Variants in PLEKHA7 observed in about 807,000 individuals in gnomAD.
The protein encoded by PLEKHA7 is pleckstrin homology domain-containing family A member 7.
In PLEKHA7, 104 loss-of-function variants were observed where a neutral mutation model predicts 170.0. The ratio of observed to expected loss-of-function variants is 0.61; its 90% CI spans 0.52 to 0.72. PLEKHA7 has a LOEUF of 0.72. Ranked by LOEUF, PLEKHA7 falls within the 30% of genes least tolerant of loss-of-function variation. The pLI, the probability that PLEKHA7 is intolerant of heterozygous loss-of-function variation, is 0.00. For synonymous variants in PLEKHA7, 648 were observed against 660.8 expected (o/e 0.98, Z 0.30); for missense variants, 1,615 against 1,671.7 (o/e 0.97, Z 0.59).
intron 25 of PLEKHA7, 117 bp downstream of exon 25, chr11:16,783,583 C>T: frequency 2.6e-6 from 3 of 1,174,506 alleles, no homozygotes; most frequent in Non-Finnish European, 3.3e-6. Context: ...TAGGGCTTAC[C>T]TGAGACGAAG....
Position 17,014,373 on chromosome 11 carries a change from G to A in PLEKHA7, c.29C>T (p.Thr10Ile), listed in dbSNP as rs907753809. The change falls in exon 1 of 27, where the codon ACT becomes ATT. Residue 10 changes from threonine to isoleucine, a missense_variant. Thr to Ile is a moderately conservative substitution (Grantham distance 89, BLOSUM62 -1). Coordinates refer to ENST00000531066, the MANE Select transcript of PLEKHA7 (RefSeq NM_001329630.2). ...CCCGTAGGACCAATGCTCAGGTAAA[G>A]TGTCCCGCCCGACCGTCGCCGCCGC... MAAATVGRD[T>I]LPEHWSYGVC... 8 of 1,407,434 alleles carry A rather than the reference G, an allele frequency of 5.7e-6. No individual in the cohort carries two copies. Among genetic ancestry groups the A allele is most frequent in the Non-Finnish European group, 6.5e-6 (7 of 1,072,076 alleles). The allele number at this position is 1,407,434 out of a possible 1,614,324, so 87.2% of individuals were successfully genotyped here.
At chr11:16,781,522 A>G (rs2134109252) in intron 26 of PLEKHA7, among the ~76,000 whole-genome samples, 1 of 152,234 alleles carries the variant, frequency 6.6e-6, no homozygotes, top group South Asian at 2.1e-4. Context: ...GGGTCATGAG[A>G]AGGAGAGGTC....
intron 3 of PLEKHA7, among the ~76,000 whole-genome samples, chr11:16,929,492 C>T (rs1052955236): frequency 2.0e-5 from 3 of 152,230 alleles, no homozygotes; most frequent in Non-Finnish European, 4.4e-5. Flanking sequence ...TTTTCTCACA[C>T]CTGGTGTGCC....
chr11:16,841,285 AC>A lies in PLEKHA7; in HGVS notation c.872+261del, dbSNP rs747450630. On this transcript the variant is annotated intron_variant, in intron 9 of 26. Transcript: ENST00000531066. ...CTTGCCTGTCCTCTCCCTACCTGGT[AC>A]CCCAAGGTCTTCCCTTCCACCATAC... 6.0e-4 allele frequency among the ~76,000 whole-genome samples: 92 copies of A among 152,178 alleles called. 1 individual carries two copies. The highest frequency in any genetic ancestry group is 3.7e-4 in the Non-Finnish European group (25 of 67,998).
At chr11:16,848,130 G>A (rs1022247854) in intron 8 of PLEKHA7, among the ~76,000 whole-genome samples, 3 of 152,190 alleles carry the variant, frequency 2.0e-5, no homozygotes, top group African/African-American at 7.2e-5. Context: ...GAATTTGATA[G>A]ATATACAAAG....
At chr11:16,982,505 T>A (rs1357515707) in intron 3 of PLEKHA7, among the ~76,000 whole-genome samples, 1 of 152,206 alleles carries the variant, frequency 6.6e-6, no homozygotes, top group Non-Finnish European at 1.5e-5. Flanking sequence ...TGTCCCACTC[T>A]ACAGAGATCT....
intron 3 of PLEKHA7, among the ~76,000 whole-genome samples, chr11:16,874,011 A>T (rs1043930173): frequency 6.6e-6 from 1 of 152,216 alleles, no homozygotes; most frequent in African/African-American, 2.4e-5. Flanking sequence ...AGAATCTGAA[A>T]ATGCAAACTT....
chr11:16,935,221 G>A lies in PLEKHA7; in HGVS notation c.222-64039C>T, dbSNP rs558650195. On this transcript the variant is annotated intron_variant, in intron 3 of 26. Transcript: ENST00000531066. ...AGGACAAGGCAGGCAGATCAACTGA[G>A]GTCAGAAGTTCAAGCCCAGCCTAGC... 1.7e-4 allele frequency among the ~76,000 whole-genome samples: 26 copies of A among 152,222 alleles called. 1 individual carries two copies. The South Asian group carries it at 5.2e-3, about 30-fold the overall frequency.
chr11:16,836,870 C>A (rs1266919796), intron 9 of PLEKHA7, among the ~76,000 whole-genome samples: 3 of 151,576 alleles, frequency 2.0e-5, no homozygotes, highest in Non-Finnish European at 4.4e-5. Flanking sequence ...GTCGCCCAGG[C>A]TGGAATGCAA....
intron 4 of PLEKHA7, among the ~76,000 whole-genome samples, chr11:16,864,417 G>A (rs1345419639): frequency 2.6e-5 from 4 of 151,998 alleles, no homozygotes; most frequent in African/African-American, 4.8e-5. Flanking sequence ...CTTATTCTAG[G>A]AGGTAAAATA....
chr11:16,864,672 C>T (rs1202425331), intron 4 of PLEKHA7, among the ~76,000 whole-genome samples: 1 of 152,142 alleles, frequency 6.6e-6, no homozygotes, highest in Non-Finnish European at 1.5e-5. Flanking sequence ...GGGGAGTTCC[C>T]CTGCACACAC....
At chr11:16,908,330 T>C (rs955542365) in intron 3 of PLEKHA7, among the ~76,000 whole-genome samples, 4 of 148,738 alleles carry the variant, frequency 2.7e-5, no homozygotes, top group Non-Finnish European at 4.5e-5. Flanking sequence ...TCATCCAATA[T>C]GACTGGTGTT....
intron 3 of PLEKHA7, among the ~76,000 whole-genome samples, chr11:16,906,781 C>T (rs1256416104): frequency 4.3e-5 from 6 of 138,898 alleles, no homozygotes; most frequent in African/African-American, 1.6e-4. Flanking sequence ...TCTGCCTGGC[C>T]GCCCATCGTC....
intron 3 of PLEKHA7, among the ~76,000 whole-genome samples, chr11:16,993,886 T>C (rs1864187141): frequency 6.6e-6 from 1 of 152,156 alleles, no homozygotes; most frequent in South Asian, 2.1e-4. Context: ...CTACTGTGTC[T>C]GGGTAGATTT....
At chr11:16,956,170 T>TACAC (rs1861691051) in intron 3 of PLEKHA7, among the ~76,000 whole-genome samples, 1 of 152,206 alleles carries the variant, frequency 6.6e-6, no homozygotes, top group Admixed American at 6.5e-5. Flanking sequence ...TATGTGTGTG[T>TACAC]ACACATACGT....
chr11:16,787,191 G>A (rs558590377), intron 23 of PLEKHA7: 5 of 985,364 alleles, frequency 5.1e-6, no homozygotes, highest in Non-Finnish European at 6.0e-6. Context: ...GCCTTTGACC[G>A]CTGAGCAGGT....
In PLEKHA7 at chr11:16,777,972, G is replaced by A. The variant is rs1036908600; in HGVS notation, c.*1026C>T. ...CCTTTTCTGTATTTCAATGTGTACT[G>A]TTAAAAATGAAAGCAGGCTGGGCGT... On this transcript the variant is annotated 3_prime_UTR_variant, in exon 27 of 27. Coordinates refer to ENST00000531066, the MANE Select transcript of PLEKHA7 (RefSeq NM_001329630.2). 6 of 152,252 alleles carry A rather than the reference G, an allele frequency of 3.9e-5. No individual in the cohort carries two copies. Among genetic ancestry groups the A allele is most frequent in the Non-Finnish European group, 8.8e-5 (6 of 68,050 alleles). 9.4% of individuals were successfully genotyped at this position (152,252 alleles called of 1,614,324 possible).
At chr11:16,940,431 G>T (rs1219112413) in intron 3 of PLEKHA7, among the ~76,000 whole-genome samples, 1 of 151,972 alleles carries the variant, frequency 6.6e-6, no homozygotes, top group Non-Finnish European at 1.5e-5. Flanking sequence ...GGGACTACAG[G>T]CAGGTGCCAC....
chr11:16,805,272 A>G (rs1848878436), intron 13 of PLEKHA7, among the ~76,000 whole-genome samples: 3 of 152,232 alleles, frequency 2.0e-5, no homozygotes, highest in Admixed American at 6.5e-5. Flanking sequence ...TGCCTCATTT[A>G]TCCAGCACCA....
Sources: allele counts gnomAD v4.1 joint callset (sites outside exome capture counted in the v4.1 genomes callset), GRCh38; gene constraint gnomAD v4.1.1; transcripts MANE v1.5; gene names NCBI Gene and HGNC (gene_info 2026-07-23, HGNC 2026-07-21).